MYO16: variants seen among roughly 807,000 people sequenced by gnomAD.
MYO16 encodes unconventional myosin-XVI.
MYO16 carries 94 observed loss-of-function variants against 205.3 expected under a neutral mutation model. That is an observed-to-expected ratio of 0.46 (90% CI 0.39 to 0.54). The LOEUF (loss-of-function observed/expected upper bound fraction) is 0.54. MYO16 is among the 20% of genes least tolerant of loss of function. The probability of loss-of-function intolerance (pLI) is 0.00; values close to 1 mark genes in which losing one functional copy is unlikely to be tolerated. For missense variants in MYO16, 2,315 were observed against 2,387.5 expected (o/e 0.97, Z 0.63); for synonymous variants, 988 against 954.0 (o/e 1.04, Z -0.66).
At chr13:108,942,497 G>A (rs1376305985) in intron 16 of MYO16, among the ~76,000 whole-genome samples, 1 of 152,052 alleles carries the variant, frequency 6.6e-6, no homozygotes, top group East Asian at 1.9e-4. Flanking sequence ...GCAGCTTTCA[G>A]TGTTTAAAAA....
chr13:108,560,449 A>T, the MYO16 span, among the ~76,000 whole-genome samples: 1 of 152,254 alleles, frequency 6.6e-6, no homozygotes, highest in African/African-American at 2.4e-5. Context: ...AATAGACATT[A>T]TAAATATGAT....
chr13:109,098,538 G>A (rs1888849374), intron 27 of MYO16, among the ~76,000 whole-genome samples: 1 of 152,156 alleles, frequency 6.6e-6, no homozygotes, highest in African/African-American at 2.4e-5. Context: ...ACGTGTTGTT[G>A]GGCGTTGTCA....
the MYO16 span, among the ~76,000 whole-genome samples, chr13:108,527,190 A>G: frequency 6.6e-6 from 1 of 152,188 alleles, no homozygotes; most frequent in Non-Finnish European, 1.5e-5. Context: ...AACAATCATA[A>G]ACACAGTCCC....
At chr13:109,050,720 A>G (rs1407963775) in intron 24 of MYO16, among the ~76,000 whole-genome samples, 1 of 152,162 alleles carries the variant, frequency 6.6e-6, no homozygotes, top group African/African-American at 2.4e-5. Flanking sequence ...TTATTTATTT[A>G]TGAGTGTACA....
the MYO16 span, among the ~76,000 whole-genome samples, chr13:108,537,434 C>T: frequency 6.6e-6 from 1 of 152,062 alleles, no homozygotes; most frequent in Admixed American, 6.6e-5. Context: ...CATGACTTTG[C>T]TATTGTGGAT....
intron 4 of MYO16, among the ~76,000 whole-genome samples, chr13:108,773,858 T>C (rs919352758): frequency 5.9e-5 from 9 of 152,076 alleles, no homozygotes; most frequent in Admixed American, 5.9e-4. Flanking sequence ...TAAAATGCCA[T>C]TAGATAGATA....
chr13:108,706,814 G>C (rs9520971), intron 2 of MYO16, among the ~76,000 whole-genome samples: 114,653 of 152,074 alleles, frequency 0.75, 43,487 homozygotes, highest in East Asian at 0.98. Context: ...AAGTTGAGTG[G>C]GAAAAAAGAA....
intron 1 of MYO16, among the ~76,000 whole-genome samples, chr13:108,602,101 GAA>G (rs11478461): frequency 0.055 from 6,500 of 117,942 alleles, 290 homozygotes; most frequent in African/African-American, 0.13. Flanking sequence ...AGGATATGAT[GAA>G]AAAAAAAAAA....
chr13:108,738,347 T>C (rs977553077), intron 4 of MYO16, among the ~76,000 whole-genome samples: 1 of 152,222 alleles, frequency 6.6e-6, no homozygotes, highest in South Asian at 2.1e-4. Context: ...TTTGTTCTCA[T>C]TGGTTTCAAA....
intron 33 of MYO16, among the ~76,000 whole-genome samples, chr13:109,169,481 A>T (rs61209571): frequency 0.012 from 1,771 of 152,302 alleles, 37 homozygotes; most frequent in African/African-American, 0.04. Flanking sequence ...GGATAGAGAA[A>T]TAGAGAAAAT....
At chr13:108,941,066 CCACAGGCTGGAAACAAAAATGAGTGAGA>C (rs1444765695) in intron 16 of MYO16, among the ~76,000 whole-genome samples, 3 of 152,082 alleles carry the variant, frequency 2.0e-5, no homozygotes, top group Non-Finnish European at 4.4e-5. Context: ...AACCAGTGAG[CCACAGGCTGGAAACAAAAATGAGTGAGA>C]CACAGGCTGG....
intron 28 of MYO16, among the ~76,000 whole-genome samples, chr13:109,115,683 A>G (rs1256448220): frequency 6.8e-6 from 1 of 147,956 alleles, no homozygotes; most frequent in Non-Finnish European, 1.5e-5. Context: ...ATTCCACAGG[A>G]AAAAAAAATC....
chr13:109,016,369 T>A (rs1462635266), intron 22 of MYO16, among the ~76,000 whole-genome samples: 1 of 152,132 alleles, frequency 6.6e-6, no homozygotes, highest in African/African-American at 2.4e-5. Context: ...TGCTGAGGAG[T>A]GCTTTACTTC....
intron 5 of MYO16, among the ~76,000 whole-genome samples, chr13:108,793,047 G>C (rs1441447739): frequency 6.6e-6 from 1 of 152,168 alleles, no homozygotes; most frequent in Non-Finnish European, 1.5e-5. Flanking sequence ...ACTTTGGGAA[G>C]CCGAGGTGGG....
intron 13 of MYO16, among the ~76,000 whole-genome samples, chr13:108,884,912 A>T (rs189879): frequency 6.7e-6 from 1 of 150,052 alleles, no homozygotes; most frequent in Non-Finnish European, 1.5e-5. Flanking sequence ...TGAGAAAGGC[A>T]CTGAGACAGG....
intron 27 of MYO16, among the ~76,000 whole-genome samples, chr13:109,074,591 T>C (rs1888028970): frequency 1.3e-5 from 2 of 152,048 alleles, no homozygotes; most frequent in African/African-American, 4.8e-5. Context: ...CACCCTTAGA[T>C]CTCGTGAGAA....
In MYO16 at chr13:109,125,443, G is replaced by A; in HGVS notation, c.3782+85G>A. ...AAATTCAAATAGCCCTTAATGCAGA[G>A]TTCAATCAAATATGACAGGAGTTGC... On this transcript the variant is annotated intron_variant, in intron 30 of 34. Transcript: ENST00000457511. The surrounding 1 kb of genome is among the most constrained non-coding windows in gnomAD (Gnocchi z 4.0). 1 of 1,532,058 alleles carries A rather than the reference G, an allele frequency of 6.5e-7. No individual in the cohort carries two copies. The highest frequency in any genetic ancestry group is 8.9e-7 in the Non-Finnish European group (1 of 1,127,620). 94.9% of individuals were successfully genotyped at this position (1,532,058 alleles called of 1,614,324 possible). A position where few individuals can be genotyped will look rare whatever the true frequency, so the allele number is the denominator to read the frequency against.
intron 27 of MYO16, among the ~76,000 whole-genome samples, chr13:109,087,803 A>G (rs565560532): frequency 7.9e-5 from 12 of 152,340 alleles, no homozygotes; most frequent in Admixed American, 4.6e-4. Context: ...AGGAGGTCAG[A>G]CTGACCTTGG....
chr13:109,138,458 AAAG>A (rs1876879523), intron 31 of MYO16, among the ~76,000 whole-genome samples: 2 of 152,180 alleles, frequency 1.3e-5, no homozygotes, highest in African/African-American at 4.8e-5. Context: ...AGCATTAGAA[AAAG>A]AAGTCTTGTG....
Sources: gnomAD v4.1 joint callset for allele counts (sites outside exome capture counted in the v4.1 genomes callset) on GRCh38, gnomAD v4.1.1 for gene constraint, Gnocchi (gnomAD v3.1) non-coding constraint, MANE v1.5 for transcripts, NCBI Gene and HGNC (gene_info 2026-07-23, HGNC 2026-07-21) for gene names.